SLC17A7: variants seen among roughly 807,000 people sequenced by gnomAD.
The protein encoded by SLC17A7 is solute carrier family 17 member 7, also known as vesicular glutamate transporter 1.
Under a neutral mutation model 59.1 loss-of-function variants are expected in SLC17A7, and 15 were observed. The observed-to-expected ratio is 0.25, with a 90% CI of 0.17 to 0.39. SLC17A7 has a LOEUF of 0.39. Among genes scored for constraint, SLC17A7 ranks in the 10% least tolerant of loss-of-function variants. The pLI is 1.00. For synonymous variants in SLC17A7, 353 were observed against 308.9 expected (o/e 1.14, Z -1.50); for missense variants, 499 against 765.1 (o/e 0.65, Z 4.10).
chr19:49,434,374 C>T (rs1162591947), intron 5 of SLC17A7, among the ~76,000 whole-genome samples: 3 of 151,554 alleles, frequency 2.0e-5, no homozygotes, highest in Admixed American at 1.3e-4. Flanking sequence ...TCCAGTCCCT[C>T]CTCCCTCAGA....
chr19:49,439,921 A>G (rs1304079865), intron 1 of SLC17A7, among the ~76,000 whole-genome samples: 1 of 151,842 alleles, frequency 6.6e-6, no homozygotes, highest in African/African-American at 2.4e-5. Context: ...CCCCTCCACC[A>G]GCACGTCTCT....
In SLC17A7 at chr19:49,433,463, C is replaced by A; in HGVS notation, c.867+263G>T. ...ACTCAAGGTCTAAGCAAAACCCCCA[C>A]ATTCTAATCCCTTCTCTGCTGGCTT... On this transcript the variant is annotated intron_variant, in intron 7 of 11. Coordinates refer to ENST00000221485, the MANE Select transcript of SLC17A7 (RefSeq NM_020309.4). This position sits in a 1 kb window ranked among gnomAD's most constrained non-coding sequence, Gnocchi z 5.7. The A allele has an allele frequency of 1.7e-6, 1 of 594,286 alleles. No homozygotes were observed. The highest frequency in any genetic ancestry group is 1.8e-5 in the South Asian group (1 of 55,920). 36.8% of individuals were successfully genotyped at this position (594,286 alleles called of 1,614,324 possible).
Position 49,441,405 on chromosome 19 carries a change from C to T in SLC17A7, c.-26G>A, listed in dbSNP as rs1322563196. On this transcript the variant is annotated 5_prime_UTR_variant, in exon 1 of 12. Coordinates refer to ENST00000221485, the MANE Select transcript of SLC17A7 (RefSeq NM_020309.4). Reference sequence around the variant, plus strand: ...GGTGGCGGCTCCTGCCGCCGGTCACCCCGCGGGTCCCCCCCGCCGATCCCC... The same window carrying T: ...GGTGGCGGCTCCTGCCGCCGGTCACTCCGCGGGTCCCCCCCGCCGATCCCC... The T allele has an allele frequency of 1.3e-6, 2 of 1,489,274 alleles. No homozygotes were observed. Among genetic ancestry groups the T allele is most frequent in the Admixed American group, 2.2e-5 (1 of 44,892 alleles). The allele number at this position is 1,489,274 out of a possible 1,614,324, so 92.3% of individuals were successfully genotyped here. A position where few individuals can be genotyped will look rare whatever the true frequency, so the allele number is the denominator to read the frequency against.
rs1600988313 is a variant in SLC17A7 at position 49,436,884 on chromosome 19, T to C, written c.63-83A>G. On this transcript the variant is annotated intron_variant, in intron 1 of 11. Coordinates refer to ENST00000221485, the MANE Select transcript of SLC17A7 (RefSeq NM_020309.4). This position sits in a 1 kb window ranked among gnomAD's most constrained non-coding sequence, Gnocchi z 4.1. ...CAAGACCAGGATCCAGGGCAAAACCTGCTTTTCAACATCCAGAATTCTAAG... is the reference window on the plus strand; with the variant it reads ...CAAGACCAGGATCCAGGGCAAAACCCGCTTTTCAACATCCAGAATTCTAAG... 6.7e-7 allele frequency: 1 copy of C among 1,491,358 alleles called. No individual in the cohort carries two copies. 92.4% of individuals were successfully genotyped at this position (1,491,358 alleles called of 1,614,324 possible). A position where few individuals can be genotyped will look rare whatever the true frequency, so the allele number is the denominator to read the frequency against.
Position 49,432,895 on chromosome 19 carries a change from G to T in SLC17A7, c.933C>A (p.Asn311Lys). Reference protein sequence around the residue: ...SMPVYAIIVANFCRSWTFYLL... With the variant: ...SMPVYAIIVAKFCRSWTFYLL... ...GGTAGAACGTCCAGCTGCGGCAGAA[G>T]TTGGCCACGATGATGGCATAGACTG... Residue 311 changes from asparagine to lysine, a missense_variant, in exon 8 of 12, where the codon AAC becomes AAA. Physicochemically the swap from Asn to Lys is moderately conservative, Grantham distance 94 (BLOSUM62 0). This residue lies in a region of SLC17A7 where 323 missense variants were observed against 607.2 expected (regional missense o/e 0.53). Coordinates refer to ENST00000221485, the MANE Select transcript of SLC17A7 (RefSeq NM_020309.4). The T allele has an allele frequency of 6.2e-7, 1 of 1,602,550 alleles. No individual in the cohort carries two copies. The highest frequency in any genetic ancestry group is 8.5e-7 in the Non-Finnish European group (1 of 1,174,678).
rs2078959322 is a variant in SLC17A7, at chr19:49,431,482, T to C, written c.1151-34A>G. ...GCGGGGGGGGCCCGCGTCTCCTGAGTGTCGGCCGGAGCAAGGCGCAGGCTG... is the reference window on the plus strand; with the variant it reads ...GCGGGGGGGGCCCGCGTCTCCTGAGCGTCGGCCGGAGCAAGGCGCAGGCTG... On this transcript the variant is annotated intron_variant, in intron 9 of 11. Transcript: ENST00000221485. This position sits in a 1 kb window ranked among gnomAD's most constrained non-coding sequence, Gnocchi z 4.6. The C allele has an allele frequency of 6.3e-7, 1 of 1,579,070 alleles. No homozygotes were observed. Among genetic ancestry groups the C allele is most frequent in the Non-Finnish European group, 8.7e-7 (1 of 1,151,204 alleles).
chr19:49,436,847 C>G lies in SLC17A7; in HGVS notation c.63-46G>C. On this transcript the variant is annotated intron_variant, in intron 1 of 11. Coordinates refer to ENST00000221485, the MANE Select transcript of SLC17A7 (RefSeq NM_020309.4). This position sits in a 1 kb window ranked among gnomAD's most constrained non-coding sequence, Gnocchi z 4.1. ...GAGACTCGGAAGTCCAGGCCCCCAGCCCCCTCACCCCCAAGACCAGGATCC... is the reference window on the plus strand; with the variant it reads ...GAGACTCGGAAGTCCAGGCCCCCAGGCCCCTCACCCCCAAGACCAGGATCC... 1.9e-6 allele frequency: 3 copies of G among 1,584,124 alleles called. No homozygotes were observed. Among genetic ancestry groups the G allele is most frequent in the Non-Finnish European group, 1.7e-6 (2 of 1,171,382 alleles).
At chr19:49,435,322 G>C (rs750522881) in intron 2 of SLC17A7, 36 bp from the exon 3 acceptor site, 1 of 1,492,682 alleles carries the variant, frequency 6.7e-7, no homozygotes, top group Non-Finnish European at 9.3e-7. Flanking sequence ...CAGCCGCCCT[G>C]TCCAGGCTCT....
Position 49,432,491 on chromosome 19 carries a change from G to A in SLC17A7, c.1150+28C>T, listed in dbSNP as rs1229851952. On this transcript the variant is annotated intron_variant, in intron 9 of 11. Transcript: ENST00000221485. Reference sequence around the variant, plus strand: ...GCTCTGCTCCACCCAGGCTGTCCTAGAGCCGGCCCAGGCCCCGCCCCACTC... The same window carrying A: ...GCTCTGCTCCACCCAGGCTGTCCTAAAGCCGGCCCAGGCCCCGCCCCACTC... 1.9e-6 allele frequency: 3 copies of A among 1,606,352 alleles called. 1 individual carries two copies. The South Asian group carries it at 3.3e-5, about 18-fold the overall frequency.
In SLC17A7 at chr19:49,433,031, C is replaced by T. The variant is rs1327174373; in HGVS notation, c.868-71G>A. ...GGGCTTCTCCGCGTCCCTTCAGGGACCACAGTGTAGTTCTGCAGAAACCAA... is the reference window on the plus strand; with the variant it reads ...GGGCTTCTCCGCGTCCCTTCAGGGATCACAGTGTAGTTCTGCAGAAACCAA... On this transcript the variant is annotated intron_variant, in intron 7 of 11. Coordinates refer to ENST00000221485, the MANE Select transcript of SLC17A7 (RefSeq NM_020309.4). The surrounding 1 kb of genome is among the most constrained non-coding windows in gnomAD (Gnocchi z 5.7). The T allele has an allele frequency of 1.4e-6, 2 of 1,473,500 alleles. No individual in the cohort carries two copies. 91.3% of individuals were successfully genotyped at this position (1,473,500 alleles called of 1,614,324 possible).
In SLC17A7 at chr19:49,430,583, G is replaced by A; in HGVS notation, c.1619C>T (p.Ser540Phe). ...PPGAPPAPPPSYGATHSTFQP... is the reference protein window; with the variant it reads ...PPGAPPAPPPFYGATHSTFQP... Reference sequence around the variant, plus strand: ...AAATGTGCTGTGTGTGGCCCCATAGGAGGGCGGGGGTGCAGGGGGTGCCCC... The same window carrying A: ...AAATGTGCTGTGTGTGGCCCCATAGAAGGGCGGGGGTGCAGGGGGTGCCCC... Residue 540 changes from serine to phenylalanine, a missense_variant, in exon 12 of 12, where the codon TCC (serine) becomes TTC (phenylalanine). Ser to Phe is a radical substitution (Grantham distance 155). This residue lies in a region of SLC17A7 where 98 missense variants were observed against 77.5 expected (regional missense o/e 1.27). Coordinates refer to ENST00000221485, the MANE Select transcript of SLC17A7 (RefSeq NM_020309.4). 1 of 1,611,136 alleles carries A rather than the reference G, an allele frequency of 6.2e-7. No individual in the cohort carries two copies.
chr19:49,434,455 G>T, intron 5 of SLC17A7, 147 bp downstream of exon 5: 1 of 701,138 alleles, frequency 1.4e-6, no homozygotes, highest in Non-Finnish European at 2.2e-6. Flanking sequence ...TCTTCCCTCA[G>T]ACCTGGGAGT....
At position 49,431,395 on chromosome 19, in the gene SLC17A7, C is replaced by T. The variant is rs2078958855; in HGVS notation, c.1204G>A (p.Gly402Ser). The T allele has an allele frequency of 6.2e-7, 1 of 1,614,050 alleles. No homozygotes were observed. The highest frequency in any genetic ancestry group is 1.3e-5 in the African/African-American group (1 of 74,916). ...LLVVGYSHSKGVAISFLVLAV... is the reference protein window; with the variant it reads ...LLVVGYSHSKSVAISFLVLAV... ...AGGACCAGGAAGGAGATGGCCACGC[C>T]CTTGGAGTGCGAGTAGCCGACCACC... The change falls in exon 10 of 12, where the codon GGC becomes AGC. Residue 402 changes from glycine to serine, a missense_variant. Around this residue, in one of 3 missense-constraint regions of SLC17A7, gnomAD observed 323 missense variants for 607.2 expected, o/e 0.53. Transcript: ENST00000221485. The surrounding 1 kb of genome is among the most constrained non-coding windows in gnomAD (Gnocchi z 4.6).
rs1335956861 is a variant in SLC17A7, at chr19:49,430,785, G to A, written c.1417C>T (p.Leu473=). ...KTREEWQYVF[L]IASLVHYGGV... ...CCATAGTGCACCAGGGAGGCAATTA[G>A]GAACACGTACTGCCACTCCTCCCGA... The change falls in exon 12 of 12, where the codon CTA becomes TTA. Residue 473 remains leucine, a synonymous_variant. Coordinates refer to ENST00000221485, the MANE Select transcript of SLC17A7 (RefSeq NM_020309.4). The A allele has an allele frequency of 1.2e-6, 2 of 1,613,130 alleles. No homozygotes were observed. Among genetic ancestry groups the A allele is most frequent in the South Asian group, 1.1e-5 (1 of 90,974 alleles).
At position 49,430,125 on chromosome 19, in the gene SLC17A7, G is replaced by A. The variant is rs561319396; in HGVS notation, c.*394C>T. On this transcript the variant is annotated 3_prime_UTR_variant, in exon 12 of 12. Coordinates refer to ENST00000221485, the MANE Select transcript of SLC17A7 (RefSeq NM_020309.4). ...CTTGAATTTTTCTGAAAGGAGATGGGAGCTGAGTGATCTCAAAGGTTAGCC... is the reference window on the plus strand; with the variant it reads ...CTTGAATTTTTCTGAAAGGAGATGGAAGCTGAGTGATCTCAAAGGTTAGCC... 7.7e-5 allele frequency: 13 copies of A among 168,704 alleles called. No homozygotes were observed. Among genetic ancestry groups the A allele is most frequent in the Non-Finnish European group, 1.4e-4 (11 of 79,694 alleles). 10.5% of individuals were successfully genotyped at this position (168,704 alleles called of 1,614,324 possible).
At position 49,431,761 on chromosome 19, in the gene SLC17A7, A is replaced by C. The variant is rs2078961352; in HGVS notation, c.1151-313T>G. On this transcript the variant is annotated intron_variant, in intron 9 of 11. Coordinates refer to ENST00000221485, the MANE Select transcript of SLC17A7 (RefSeq NM_020309.4). The surrounding 1 kb of genome is among the most constrained non-coding windows in gnomAD (Gnocchi z 4.6). ...TGTGCACGCTCACACCTTCCCCTCA[A>C]TCCCCACTCATGAGTTTTTGGTTTT... Among the ~76,000 whole-genome samples the C allele has an allele frequency of 6.9e-6, 1 of 145,410 alleles. No homozygotes were observed. The highest frequency in any genetic ancestry group is 2.0e-4 in the East Asian group (1 of 4,974).
chr19:49,433,630 T>C lies in SLC17A7; in HGVS notation c.867+96A>G. On this transcript the variant is annotated intron_variant, in intron 7 of 11. Transcript: ENST00000221485. This position sits in a 1 kb window ranked among gnomAD's most constrained non-coding sequence, Gnocchi z 5.7. ...CTCTTTGCGTTCCAGTCCCGTCTCCTCTAGAGTCTGCAGGAACCGTCCCTG... is the reference window on the plus strand; with the variant it reads ...CTCTTTGCGTTCCAGTCCCGTCTCCCCTAGAGTCTGCAGGAACCGTCCCTG... 1 of 1,561,090 alleles carries C rather than the reference T, an allele frequency of 6.4e-7. No individual in the cohort carries two copies. The highest frequency in any genetic ancestry group is 8.8e-7 in the Non-Finnish European group (1 of 1,138,290).
chr19:49,433,600 C>G lies in SLC17A7; in HGVS notation c.867+126G>C, dbSNP rs370014097. 5 of 1,385,408 alleles carry G rather than the reference C, an allele frequency of 3.6e-6. No homozygotes were observed. The highest frequency in any genetic ancestry group is 2.4e-5 in the East Asian group (1 of 41,122). The allele number at this position is 1,385,408 out of a possible 1,614,324, so 85.8% of individuals were successfully genotyped here. On this transcript the variant is annotated intron_variant, in intron 7 of 11. Transcript: ENST00000221485. The surrounding 1 kb of genome is among the most constrained non-coding windows in gnomAD (Gnocchi z 5.7). ...TTGCAACCCGCCTCCTAGGTTCTAG[C>G]CCCTCTCTTTGCGTTCCAGTCCCGT...
In SLC17A7 at chr19:49,431,727, G is replaced by T. The variant is rs1208009152; in HGVS notation, c.1151-279C>A. 1.3e-5 allele frequency among the ~76,000 whole-genome samples: 2 copies of T among 151,320 alleles called. No individual in the cohort carries two copies. Among genetic ancestry groups the T allele is most frequent in the East Asian group, 3.9e-4 (2 of 5,162 alleles). ...ACTAGGCCACTCCCCGAACACGCAG[G>T]ATCCCTGCTGTGCACGCTCACACCT... is the stretch of plus-strand genomic sequence containing the variant. On this transcript the variant is annotated intron_variant, in intron 9 of 11. Transcript: ENST00000221485. The surrounding 1 kb of genome is among the most constrained non-coding windows in gnomAD (Gnocchi z 4.6).
Sources: allele counts gnomAD v4.1 joint callset (sites outside exome capture counted in the v4.1 genomes callset), GRCh38; gene constraint gnomAD v4.1.1; regional missense constraint gnomAD v4.1.1; non-coding constraint Gnocchi (gnomAD v3.1); transcripts MANE v1.5; gene names NCBI Gene and HGNC (gene_info 2026-07-23, HGNC 2026-07-21).